Variants in SYNE2 observed in about 807,000 individuals in gnomAD.
SYNE2 encodes the protein nesprin-2.
A neutral mutation model predicts 856.3 loss-of-function variants in SYNE2; 431 were observed. The observed-to-expected ratio is 0.50, with a 90% CI of 0.47 to 0.55. The LOEUF (loss-of-function observed/expected upper bound fraction) is 0.55. Ranked by LOEUF, SYNE2 falls within the 20% of genes least tolerant of loss-of-function variation. The pLI, the probability that SYNE2 is intolerant of heterozygous loss-of-function variation, is 0.00. For synonymous variants in SYNE2, 2,923 were observed against 2,872.3 expected, an observed-to-expected ratio of 1.02 and a Z score of -0.56; for missense variants, 8,129 against 8,023.2, an observed-to-expected ratio of 1.01 and a Z score of -0.50.
intron 66 of SYNE2, among the ~76,000 whole-genome samples, chr14:64,114,085 A>G (rs2097835010): frequency 6.6e-6 from 1 of 152,320 alleles, no homozygotes; most frequent in South Asian, 2.1e-4. Flanking sequence ...AATGAAACCA[A>G]AAGTATTAAT....
intron 100 of SYNE2, among the ~76,000 whole-genome samples, chr14:64,207,744 T>TTA (rs1448841356): frequency 6.6e-6 from 1 of 152,216 alleles, no homozygotes; most frequent in Non-Finnish European, 1.5e-5. Context: ...TTAGTCTAGT[T>TTA]AATAGTGGTT....
In SYNE2 at chr14:63,773,867, CTT is replaced by C. The variant is rs571123413; in HGVS notation, c.-305+11882_-305+11883del. ...GATTATCCTTCTGATAGAATAATCT[CTT>C]GTTTGAGCTAAGCACATCTTGTTTG... On this transcript the variant is annotated intron_variant, in intron 1 of 23. Transcript: ENST00000674003. Among the ~76,000 whole-genome samples the C allele has an allele frequency of 1.0e-3, 157 of 152,304 alleles. 1 individual carries two copies. Among genetic ancestry groups the C allele is most frequent in the Non-Finnish European group, 1.6e-3 (106 of 68,024 alleles).
At chr14:64,225,088 A>C in intron 115 of SYNE2, 43 bp downstream of exon 115, 1 of 1,604,950 alleles carries the variant, frequency 6.2e-7, no homozygotes, top group Non-Finnish European at 8.5e-7. Flanking sequence ...CCCCTGCTCC[A>C]CACTCCCACT....
chr14:64,125,841 C>T (rs772776078), intron 71 of SYNE2, among the ~76,000 whole-genome samples: 4 of 152,164 alleles, frequency 2.6e-5, no homozygotes, highest in Non-Finnish European at 5.9e-5. Context: ...ACACTTTCCC[C>T]CTCCTCTGCA....
At position 64,210,013 on chromosome 14, in the gene SYNE2, C is replaced by G; in HGVS notation, c.18612C>G (p.Ala6204=). ...ELINKQYRRL[A]RENRTDTASR... is the part of the protein sequence containing the mutation. ...TCAACAAGCAGTACCGGCGGCTGGC[C>G]CGGGAGAACCGCACAGACACGGCCA... Residue 6204 remains alanine (A), a synonymous_variant, in exon 103 of 116, where the codon GCC becomes GCG. Coordinates refer to ENST00000555002, the MANE Select transcript of SYNE2 (RefSeq NM_182914.3). 6.2e-7 allele frequency: 1 copy of G among 1,614,106 alleles called. No homozygotes were observed. Among genetic ancestry groups the G allele is most frequent in the Non-Finnish European group, 8.5e-7 (1 of 1,180,024 alleles).
At chr14:64,180,131 G>A (rs1161138131) in intron 96 of SYNE2, among the ~76,000 whole-genome samples, 1 of 152,142 alleles carries the variant, frequency 6.6e-6, no homozygotes, top group African/African-American at 2.4e-5. Context: ...ATTGTCTAAT[G>A]TCAAATACCA....
intron 106 of SYNE2, among the ~76,000 whole-genome samples, chr14:64,214,818 C>T (rs956401236): frequency 1.1e-4 from 17 of 152,180 alleles, no homozygotes; most frequent in African/African-American, 3.6e-4. Flanking sequence ...CGGCTCATTG[C>T]AGCCTCAACC....
intron 1 of SYNE2, among the ~76,000 whole-genome samples, chr14:63,788,611 A>G (rs745666555): frequency 1.3e-5 from 2 of 152,118 alleles, no homozygotes; most frequent in Non-Finnish European, 2.9e-5. Flanking sequence ...GGACGGCTGC[A>G]GCGGCACCCA....
intron 85 of SYNE2, among the ~76,000 whole-genome samples, chr14:64,154,863 G>A (rs1247167513): frequency 6.6e-6 from 1 of 150,418 alleles, no homozygotes; most frequent in African/African-American, 2.4e-5. Context: ...ACAAATGGCC[G>A]AAAAGTGCAT....
intron 90 of SYNE2, 86 bp downstream of exon 90, chr14:64,165,496 G>A: frequency 1.4e-6 from 2 of 1,406,480 alleles, no homozygotes; most frequent in Non-Finnish European, 1.0e-6. Context: ...CTTATGGAAT[G>A]CTTGCATCCT....
At position 63,804,021 on chromosome 14, in the gene SYNE2, C is replaced by T. The variant is rs1399545724; in HGVS notation, c.-305+42035C>T. 2.0e-5 allele frequency among the ~76,000 whole-genome samples: 3 copies of T among 152,108 alleles called. No individual in the cohort carries two copies. The South Asian group carries it at 6.2e-4, about 31-fold the overall frequency. ...CCTTCACTCTCTGTCTCCTGCTCCG[C>T]CATGGGAACTTGTTCTTGCTTCCCA... On this transcript the variant is annotated intron_variant, in intron 1 of 23. Coordinates refer to the SYNE2 transcript ENST00000674003.
intron 6 of SYNE2, among the ~76,000 whole-genome samples, chr14:63,948,800 A>C: frequency 9.9e-6 from 1 of 100,900 alleles, no homozygotes; most frequent in African/African-American, 3.8e-5. Flanking sequence ...ATATATATAT[A>C]TATATATATA....
At chr14:64,163,998 C>A (rs1349485388) in intron 89 of SYNE2, among the ~76,000 whole-genome samples, 1 of 152,196 alleles carries the variant, frequency 6.6e-6, no homozygotes, top group Non-Finnish European at 1.5e-5. Context: ...TGGCTCACTG[C>A]AACCTCCACC....
intron 50 of SYNE2, 131 bp from the exon 51 acceptor site, chr14:64,065,301 G>A (rs1595257323): frequency 1.3e-6 from 1 of 797,320 alleles, no homozygotes; most frequent in East Asian, 2.7e-5. Context: ...CTTCTAAAAG[G>A]ATAAGAGGTG....
chr14:63,986,190 C>T (rs2096624288), intron 18 of SYNE2, among the ~76,000 whole-genome samples: 1 of 152,172 alleles, frequency 6.6e-6, no homozygotes, highest in East Asian at 1.9e-4. Context: ...GCCCCAAACT[C>T]CTGGGTTTAG....
At chr14:63,821,551 C>T (rs554363805) in intron 1 of SYNE2, among the ~76,000 whole-genome samples, 4 of 151,132 alleles carry the variant, frequency 2.6e-5, no homozygotes, top group South Asian at 2.1e-4. Context: ...GTTAGGAGTT[C>T]GAGACCAGCC....
At chr14:63,898,748 T>C (rs1352665631) in intron 1 of SYNE2, among the ~76,000 whole-genome samples, 1 of 152,182 alleles carries the variant, frequency 6.6e-6, no homozygotes, top group Non-Finnish European at 1.5e-5. Context: ...GACATACATT[T>C]TTTTTGAGCT....
intron 66 of SYNE2, among the ~76,000 whole-genome samples, chr14:64,113,835 C>T (rs1250793907): frequency 6.6e-6 from 1 of 152,194 alleles, no homozygotes; most frequent in Non-Finnish European, 1.5e-5. Flanking sequence ...GTGAACTTCT[C>T]AGCCTCATTT....
At chr14:63,912,180 C>T (rs545193292) in intron 2 of SYNE2, among the ~76,000 whole-genome samples, 7 of 152,106 alleles carry the variant, frequency 4.6e-5, no homozygotes, top group Non-Finnish European at 8.8e-5. Context: ...GAATAGATTT[C>T]CCAAAGTTAA....
Sources: gnomAD v4.1 joint callset for allele counts (sites outside exome capture counted in the v4.1 genomes callset) on GRCh38, gnomAD v4.1.1 for gene constraint, MANE v1.5 for transcripts, NCBI Gene and HGNC (gene_info 2026-07-23, HGNC 2026-07-21) for gene names.